Variants in COL25A1 observed in about 807,000 individuals in gnomAD.
COL25A1 encodes the protein collagen type XXV alpha 1 chain.
In COL25A1, 103 loss-of-function variants were observed where a neutral mutation model predicts 128.4. That is an observed-to-expected ratio of 0.80 (90% CI 0.68 to 0.94). The LOEUF is 0.94. Among genes scored for constraint, COL25A1 ranks in the 40% least tolerant of loss-of-function variants. COL25A1 has a pLI of 0.00. For missense variants in COL25A1, 745 were observed against 840.0 expected, an observed-to-expected ratio of 0.89 and a Z score of 1.40; for synonymous variants, 279 against 277.2, an observed-to-expected ratio of 1.01 and a Z score of -0.06.
chr4:109,060,077 A>G (rs1262150039), intron 3 of COL25A1, among the ~76,000 whole-genome samples: 1 of 152,188 alleles, frequency 6.6e-6, no homozygotes, highest in African/African-American at 2.4e-5. Context: ...CTAACCTCTC[A>G]GAAACCCTTG....
Position 109,085,305 on chromosome 4 carries a change from A to G in COL25A1, c.368-35126T>C, listed in dbSNP as rs143238741. ...CAGACTCTGCAAATTCAACATTTTG[A>G]AACAGAATGCACGTTCCCTTCAGAT... On this transcript the variant is annotated intron_variant, in intron 3 of 37. Coordinates refer to ENST00000399132, the MANE Select transcript of COL25A1 (RefSeq NM_198721.4). Among the ~76,000 whole-genome samples the G allele has an allele frequency of 9.2e-5, 14 of 152,328 alleles. No individual in the cohort carries two copies. The East Asian group carries it at 2.1e-3, about 23-fold the overall frequency.
intron 8 of COL25A1, among the ~76,000 whole-genome samples, chr4:108,951,621 G>A (rs941368277): frequency 2.1e-5 from 3 of 142,122 alleles, no homozygotes; most frequent in African/African-American, 7.9e-5. Context: ...CCTGATCTCA[G>A]GTGATCTACA....
intron 5 of COL25A1, among the ~76,000 whole-genome samples, chr4:109,047,290 C>G (rs1760515528): frequency 4.6e-5 from 7 of 152,138 alleles, no homozygotes; most frequent in Admixed American, 4.6e-4. Context: ...AAAGAAACCT[C>G]AGAATTCCAG....
chr4:109,160,101 C>G (rs1001289408), intron 3 of COL25A1, among the ~76,000 whole-genome samples: 4 of 152,036 alleles, frequency 2.6e-5, no homozygotes, highest in South Asian at 2.1e-4. Context: ...TAAAAGACAC[C>G]ATGCTTGGAA....
At chr4:109,101,147 C>T (rs4397078) in intron 3 of COL25A1, among the ~76,000 whole-genome samples, 35,481 of 151,972 alleles carry the variant, frequency 0.23, 5,393 homozygotes, top group African/African-American at 0.41. Context: ...GTTGATGTCA[C>T]GGAATTGTCT....
At chr4:109,186,493 T>C (rs937582283) in intron 3 of COL25A1, among the ~76,000 whole-genome samples, 9 of 152,234 alleles carry the variant, frequency 5.9e-5, no homozygotes, top group Non-Finnish European at 1.2e-4. Flanking sequence ...CATTATTGTA[T>C]GCTTCCTATA....
intron 3 of COL25A1, among the ~76,000 whole-genome samples, chr4:109,070,486 T>C (rs1762840999): frequency 6.6e-6 from 1 of 152,280 alleles, no homozygotes; most frequent in Non-Finnish European, 1.5e-5. Context: ...ACAAAATCCA[T>C]GATCCTGATT....
In COL25A1 at chr4:109,145,874, A is replaced by G. The variant is rs544771125; in HGVS notation, c.368-95695T>C. ...TAAAATAAATAAAAAAAAGAGAGAA[A>G]GTATAAAATACTCATCTTTACCACT... is the stretch of plus-strand genomic sequence containing the variant. On this transcript the variant is annotated intron_variant, in intron 3 of 37. Transcript: ENST00000399132. 2.0e-5 allele frequency among the ~76,000 whole-genome samples: 3 copies of G among 152,288 alleles called. No individual in the cohort carries two copies. The East Asian group carries it at 5.8e-4, about 29-fold the overall frequency.
At chr4:109,007,764 T>C (rs991764140) in intron 6 of COL25A1, among the ~76,000 whole-genome samples, 1 of 151,842 alleles carries the variant, frequency 6.6e-6, no homozygotes, top group Admixed American at 6.6e-5. Flanking sequence ...ACTATGTTTC[T>C]GCAGAGCCAT....
intron 13 of COL25A1, among the ~76,000 whole-genome samples, chr4:108,916,158 C>A (rs1457410208): frequency 1.3e-5 from 2 of 152,106 alleles, no homozygotes; most frequent in Non-Finnish European, 2.9e-5. Flanking sequence ...GTTCCATACA[C>A]AAAGCTTTAG....
chr4:109,256,278 A>C (rs1781082973), intron 3 of COL25A1, among the ~76,000 whole-genome samples: 1 of 152,148 alleles, frequency 6.6e-6, no homozygotes. Flanking sequence ...ATGGACAGTT[A>C]AGTAAATTTT....
At chr4:109,007,479 G>A (rs1526140) in intron 6 of COL25A1, among the ~76,000 whole-genome samples, 77,657 of 151,948 alleles carry the variant, frequency 0.51, 22,582 homozygotes, top group African/African-American at 0.78. Context: ...ACAACTCTTC[G>A]CTCCTTTTTT....
intron 3 of COL25A1, among the ~76,000 whole-genome samples, chr4:109,146,587 C>G (rs1034939399): frequency 1.3e-5 from 2 of 152,176 alleles, no homozygotes; most frequent in East Asian, 3.8e-4. Flanking sequence ...CTGCTCTTTT[C>G]TCTTTATTCT....
chr4:108,950,778 T>C (rs1227317621), intron 8 of COL25A1, among the ~76,000 whole-genome samples: 5 of 152,196 alleles, frequency 3.3e-5, no homozygotes, highest in African/African-American at 7.2e-5. Context: ...CAAATGTCTC[T>C]GGAATACATG....
intron 6 of COL25A1, among the ~76,000 whole-genome samples, chr4:108,992,848 T>C (rs1754354944): frequency 6.6e-6 from 1 of 152,026 alleles, no homozygotes; most frequent in Non-Finnish European, 1.5e-5. Flanking sequence ...TTTTTTGTTC[T>C]TATTATTCTA....
chr4:108,935,808 G>A (rs1463855855), intron 11 of COL25A1, among the ~76,000 whole-genome samples: 1 of 152,116 alleles, frequency 6.6e-6, no homozygotes, highest in African/African-American at 2.4e-5. Context: ...ATCCTAGAGA[G>A]CATATGTAAT....
intron 10 of COL25A1, 79 bp from the exon 11 acceptor site, chr4:108,937,922 A>G: frequency 8.9e-7 from 1 of 1,123,306 alleles, no homozygotes; most frequent in South Asian, 1.4e-5. Context: ...TTCTTCTTTG[A>G]CTGGGGCATG....
At chr4:109,112,906 G>A (rs932109173) in intron 3 of COL25A1, among the ~76,000 whole-genome samples, 6 of 152,024 alleles carry the variant, frequency 3.9e-5, no homozygotes, top group Admixed American at 1.3e-4. Flanking sequence ...ATTGGCAAAC[G>A]TCCATAAAGA....
intron 3 of COL25A1, among the ~76,000 whole-genome samples, chr4:109,058,518 T>C (rs564856115): frequency 6.6e-6 from 1 of 152,066 alleles, no homozygotes; most frequent in Non-Finnish European, 1.5e-5. Context: ...CTTTTAAAGA[T>C]AAAAATGTTA....
Sources: gnomAD v4.1 joint callset for allele counts (sites outside exome capture counted in the v4.1 genomes callset) on GRCh38, gnomAD v4.1.1 for gene constraint, MANE v1.5 for transcripts, NCBI Gene and HGNC (gene_info 2026-07-23, HGNC 2026-07-21) for gene names.